NBPF14: variants seen among roughly 807,000 people sequenced by gnomAD.
The protein encoded by NBPF14 is NBPF member 14, also known as NBPF family member NBPF14.
A neutral mutation model predicts 91.2 loss-of-function variants in NBPF14; 104 were observed. The ratio of observed to expected loss-of-function variants is 1.14; its 90% CI spans 0.97 to 1.34. The LOEUF is 1.34. Among genes scored for constraint, NBPF14 ranks in the 40% most tolerant of loss-of-function variants. NBPF14 has a pLI of 0.00. For synonymous variants in NBPF14, 294 were observed against 303.8 expected, an observed-to-expected ratio of 0.97 and a Z score of 0.34; for missense variants, 908 against 783.0, an observed-to-expected ratio of 1.16 and a Z score of -1.91.
chr1:148,559,840 A>T, exon 37 of NBPF14: 1 of 1,530,870 alleles, frequency 6.5e-7, no homozygotes, highest in Non-Finnish European at 8.7e-7. Context: ...CAATATGTAA[A>T]AGGCACTTCT....
In NBPF14 at chr1:148,587,330, C is replaced by T. The variant is rs1343209236; in HGVS notation, c.1062G>A (p.Ala354=). 0.016 allele frequency: 25,488 copies of T among 1,550,648 alleles called. 4,143 individuals are homozygous for T. In the African/African-American group the frequency reaches 0.27, roughly 17 times the overall value. Residue 354 remains alanine, a synonymous_variant, in exon 8 of 71, where the codon GCG becomes GCA. Coordinates refer to ENST00000619423, the Ensembl canonical transcript of NBPF14. Reference sequence around the variant, plus strand: ...GCTCCTCAGCTTGCTTCAGCTGCTCCGCAAGCTTCTCCTCCTTGAACTGTC... The same window carrying T: ...GCTCCTCAGCTTGCTTCAGCTGCTCTGCAAGCTTCTCCTCCTTGAACTGTC...
rs1285065518 is a variant in NBPF14 at position 148,561,591 on chromosome 1, G to C, written c.4275-12C>G. The C allele has an allele frequency of 2.8e-6, 1 of 353,960 alleles. No individual in the cohort carries two copies. The highest frequency in any genetic ancestry group is 9.4e-5 in the African/African-American group (1 of 10,690). The allele number at this position is 353,960 out of a possible 1,614,324, so 21.9% of individuals were successfully genotyped here. A position where few individuals can be genotyped will look rare whatever the true frequency, so the allele number is the denominator to read the frequency against. ...GCTCCCTGCTGAGCCTGGAAAAGGA[G>C]GAAAAAGTAAAGAATAAGCCAGGGG... is the stretch of plus-strand genomic sequence containing the variant. On this transcript the variant is annotated splice_polypyrimidine_tract_variant and intron_variant, in intron 34 of 70. Coordinates refer to ENST00000619423, the Ensembl canonical transcript of NBPF14.
rs1439238768 is a variant in NBPF14 at position 148,539,298 on chromosome 1, C to T, written c.7882+112G>A. 22 of 635,114 alleles carry T rather than the reference C, an allele frequency of 3.5e-5. 6 individuals carry two copies. The highest frequency in any genetic ancestry group is 8.1e-4 in the Middle Eastern group (2 of 2,470). 39.3% of individuals were successfully genotyped at this position (635,114 alleles called of 1,614,324 possible). ...TACAACCTATATGCGCCCATAGGTC[C>T]TGACTGCGGCAATGACGTCTCTCGG... On this transcript the variant is annotated intron_variant, in intron 63 of 70. Transcript: ENST00000619423.
chr1:148,577,598 G>C (rs1187265382), intron 14 of NBPF14, among the ~76,000 whole-genome samples: 18,239 of 142,766 alleles, frequency 0.13, 2,035 homozygotes, highest in African/African-American at 0.31. Flanking sequence ...ACAGAGCGAG[G>C]TCAGTCAATT....
intron 24 of NBPF14, 124 bp from the exon 25 acceptor site, chr1:148,569,551 G>C: frequency 3.4e-6 from 1 of 295,362 alleles, no homozygotes; most frequent in Non-Finnish European, 5.7e-6. Context: ...CATTAATGAG[G>C]TAACAAATTA....
intron 34 of NBPF14, 147 bp from the exon 35 acceptor site, chr1:148,561,726 T>G: frequency 6.5e-6 from 3 of 460,860 alleles, no homozygotes; most frequent in South Asian, 5.5e-5. Flanking sequence ...TGCCTTCATG[T>G]TGGGACAGAA....
At chr1:148,559,991 A>T in intron 36 of NBPF14, 26 bp from the exon 37 acceptor site, 2 of 1,065,024 alleles carry the variant, frequency 1.9e-6, no homozygotes, top group Non-Finnish European at 2.8e-6. Context: ...AAAGTAAAGA[A>T]TAAGCCAGGG....
intron 28 of NBPF14, among the ~76,000 whole-genome samples, chr1:148,566,580 G>A (rs1470987227): frequency 7.5e-6 from 1 of 134,052 alleles, no homozygotes; most frequent in African/African-American, 2.7e-5. Flanking sequence ...TCAGTGAATT[G>A]TCCAGGTGAC....
chr1:148,572,748 T>G, intron 20 of NBPF14, 133 bp from the exon 21 acceptor site: 1 of 558,180 alleles, frequency 1.8e-6, no homozygotes, highest in South Asian at 1.8e-5. Context: ...GGTAACAAAT[T>G]ATTGCCTTTA....
chr1:148,566,645 C>T (rs1658475669), intron 28 of NBPF14, among the ~76,000 whole-genome samples: 1 of 138,288 alleles, frequency 7.2e-6, no homozygotes, highest in African/African-American at 2.6e-5. Context: ...GGACACACAG[C>T]ATACAGGGAT....
chr1:148,559,490 C>T (rs1657248305), intron 37 of NBPF14, among the ~76,000 whole-genome samples: 12 of 127,524 alleles, frequency 9.4e-5, no homozygotes, highest in Admixed American at 9.2e-4. Flanking sequence ...TCTACAAGAT[C>T]TACAAAATTG....
At chr1:148,566,646 A>G (rs1294397445) in intron 28 of NBPF14, among the ~76,000 whole-genome samples, 1 of 138,600 alleles carries the variant, frequency 7.2e-6, no homozygotes. Flanking sequence ...GACACACAGC[A>G]TACAGGGATC....
intron 67 of NBPF14, among the ~76,000 whole-genome samples, chr1:148,536,006 C>T (rs1319817826): frequency 6.6e-6 from 1 of 150,578 alleles, no homozygotes; most frequent in Admixed American, 6.6e-5. Flanking sequence ...TAGGGCGCCA[C>T]AGGCATGGCC....
chr1:148,575,940 G>C (rs1246343368), intron 16 of NBPF14, 129 bp from the exon 17 acceptor site: 1 of 474,630 alleles, frequency 2.1e-6, no homozygotes, highest in Admixed American at 3.6e-5. Context: ...ATGAGGTAAT[G>C]AATTATTGCC....
chr1:148,566,541 AAACAC>A lies in NBPF14; in HGVS notation c.3543-231_3543-227del, dbSNP rs1658408128. 2.0e-4 allele frequency among the ~76,000 whole-genome samples: 24 copies of A among 117,704 alleles called. No individual in the cohort carries two copies. In the South Asian group the frequency reaches 2.7e-3, roughly 13 times the overall value. 77.2% of individuals were successfully genotyped at this position (117,704 alleles called of 152,430 possible). On this transcript the variant is annotated intron_variant, in intron 28 of 70. Transcript: ENST00000619423. ...CACACACACACACACACACACACACAAACACACACACACACACAGAGAACGAGCTC... is the reference window on the plus strand; with the variant it reads ...CACACACACACACACACACACACACAACACACACACACAGAGAACGAGCTC...
intron 69 of NBPF14, 36 bp downstream of exon 69, chr1:148,534,648 G>A: frequency 2.3e-6 from 2 of 861,700 alleles, no homozygotes; most frequent in East Asian, 4.8e-5. Context: ...TGGAAGACCA[G>A]GTGGAGGCTT....
At chr1:148,579,838 A>T (rs1660631873) in intron 12 of NBPF14, among the ~76,000 whole-genome samples, 1 of 152,206 alleles carries the variant, frequency 6.6e-6, no homozygotes, top group African/African-American at 2.4e-5. Flanking sequence ...AAACTCCAAC[A>T]GACCTGAAGC....
At position 148,587,263 on chromosome 1, in the gene NBPF14, C is replaced by T. The variant is rs1661704092; in HGVS notation, c.1091+38G>A. On this transcript the variant is annotated intron_variant, in intron 8 of 70. Transcript: ENST00000619423. ...AGCTGCTGTACTTCAGAGATTTACA[C>T]ACCTGCCCCCCTGCCTGCCCCCATG... 2.0e-6 allele frequency: 3 copies of T among 1,507,622 alleles called. 1 individual carries two copies. The South Asian group carries it at 3.4e-5, about 17-fold the overall frequency. 93.4% of individuals were successfully genotyped at this position (1,507,622 alleles called of 1,614,324 possible).
Position 148,586,970 on chromosome 1 carries a change from T to A in NBPF14, c.1091+331A>T, listed in dbSNP as rs1661644399. On this transcript the variant is annotated intron_variant, in intron 8 of 70. Coordinates refer to ENST00000619423, the Ensembl canonical transcript of NBPF14. ...CAGTCAGTCAGGAGGTGATTCTCACTAAGGGTAAGTGGGGTGGTGATGGCA... is the reference window on the plus strand; with the variant it reads ...CAGTCAGTCAGGAGGTGATTCTCACAAAGGGTAAGTGGGGTGGTGATGGCA... 5.5e-5 allele frequency among the ~76,000 whole-genome samples: 8 copies of A among 145,948 alleles called. No individual in the cohort carries two copies. The South Asian group carries it at 1.8e-3, about 33-fold the overall frequency.
Sources: gnomAD v4.1 joint callset for allele counts (sites outside exome capture counted in the v4.1 genomes callset) on GRCh38, gnomAD v4.1.1 for gene constraint, MANE v1.5 for transcripts, NCBI Gene and HGNC (gene_info 2026-07-23, HGNC 2026-07-21) for gene names.